Variants in KIF19 observed in about 807,000 individuals in gnomAD.
KIF19 encodes the protein kinesin family member 19.
Under a neutral mutation model 106.6 loss-of-function variants are expected in KIF19, and 98 were observed. The observed-to-expected ratio is 0.92, with a 90% CI of 0.78 to 1.09. The LOEUF (loss-of-function observed/expected upper bound fraction) is 1.09. Among genes scored for constraint, KIF19 ranks in the 50% least tolerant of loss-of-function variants. The pLI, the probability that KIF19 is intolerant of heterozygous loss-of-function variation, is 0.00. For missense variants in KIF19, 1,373 were observed against 1,414.3 expected (o/e 0.97, Z 0.47); for synonymous variants, 516 against 584.2 (o/e 0.88, Z 1.68).
chr17:74,344,354 T>TGGCC lies in KIF19; in HGVS notation c.582+6_582+7insGGCC. 3 of 1,610,816 alleles carry TGGCC rather than the reference T, an allele frequency of 1.9e-6. No homozygotes were observed. The South Asian group carries it at 3.3e-5, about 18-fold the overall frequency. On this transcript the variant is annotated splice_region_variant and intron_variant, in intron 6 of 19. Coordinates refer to ENST00000389916, the MANE Select transcript of KIF19 (RefSeq NM_153209.4). Reference sequence around the variant, plus strand: ...CCACCATCAATGCCAAGGAGGCGAGTTTTGTGTGGCCAGCCTGGAGCCGCT... The same window carrying TGGCC: ...CCACCATCAATGCCAAGGAGGCGAGTGGCCTTTGTGTGGCCAGCCTGGAGCCGCT...
At chr17:74,326,493 A>C in intron 1 of KIF19, 105 bp downstream of exon 1, 2 of 1,107,930 alleles carry the variant, frequency 1.8e-6, no homozygotes, top group Non-Finnish European at 2.7e-6. Flanking sequence ...CTGAGAGGAC[A>C]GGCAACGACC....
chr17:74,349,438 A>AAGAGCCCGAT, intron 10 of KIF19, 89 bp downstream of exon 10: 1 of 1,358,022 alleles, frequency 7.4e-7, no homozygotes, highest in South Asian at 1.5e-5. Context: ...CAAATCCAGA[A>AAGAGCCCGAT]TCGGGCTCTT....
At chr17:74,330,717 G>C (rs1006307175) in intron 2 of KIF19, among the ~76,000 whole-genome samples, 1 of 152,342 alleles carries the variant, frequency 6.6e-6, no homozygotes, top group Non-Finnish European at 1.5e-5. Context: ...TGGAGCAGGA[G>C]GGGCTCCCTC....
chr17:74,353,615 C>A, intron 17 of KIF19, 34 bp downstream of exon 17: 1 of 1,537,070 alleles, frequency 6.5e-7, no homozygotes. Context: ...GCCACCTCAC[C>A]TGGCCTTGTC....
chr17:74,348,312 C>T (rs1008796735), intron 9 of KIF19, among the ~76,000 whole-genome samples: 13 of 152,340 alleles, frequency 8.5e-5, no homozygotes, highest in South Asian at 4.1e-4. Context: ...AGTATTATTG[C>T]GGTTCCCATG....
Position 74,355,466 on chromosome 17 carries a change from T to C in KIF19, c.*154T>C. 2 of 963,982 alleles carry C rather than the reference T, an allele frequency of 2.1e-6. No homozygotes were observed. The highest frequency in any genetic ancestry group is 1.5e-6 in the Non-Finnish European group (1 of 679,078). The allele number at this position is 963,982 out of a possible 1,614,324, so 59.7% of individuals were successfully genotyped here. A position where few individuals can be genotyped will look rare whatever the true frequency, so the allele number is the denominator to read the frequency against. The stretch of plus-strand genomic sequence containing the variant: ...CCTGAGACCCAGGAACTGGGGTCTC[T>C]GCCCAACCCTCCCATGCTTTCAGTG... On this transcript the variant is annotated 3_prime_UTR_variant, in exon 20 of 20. Transcript: ENST00000389916.
rs1443031787 is a variant in KIF19 at position 74,351,849 on chromosome 17, G to T, written c.1588-18G>T. 3.6e-6 allele frequency: 5 copies of T among 1,380,120 alleles called. No homozygotes were observed. The highest frequency in any genetic ancestry group is 4.6e-6 in the Non-Finnish European group (5 of 1,075,318). The allele number at this position is 1,380,120 out of a possible 1,614,324, so 85.5% of individuals were successfully genotyped here. ...ACCCCTCTCCCCGCTGCCAGATGCTGACCTGCGCCTCCTGCAGCTGGCGCT... is the reference window on the plus strand; with the variant it reads ...ACCCCTCTCCCCGCTGCCAGATGCTTACCTGCGCCTCCTGCAGCTGGCGCT... On this transcript the variant is annotated intron_variant, in intron 12 of 19. Transcript: ENST00000389916.
Position 74,349,326 on chromosome 17 carries a change from G to C in KIF19, c.1190G>C (p.Arg397Pro), listed in dbSNP as rs747877782. 7 of 1,605,686 alleles carry C rather than the reference G, an allele frequency of 4.4e-6. No individual in the cohort carries two copies. The highest frequency in any genetic ancestry group is 3.4e-5 in the Admixed American group (2 of 59,188). The change falls in exon 10 of 20, where the codon CGG becomes CCG. Residue 397 changes from arginine to proline, a missense_variant. By Grantham distance (103) the Arg-to-Pro change is moderately radical (BLOSUM62 -2). Around this residue, in one of 3 missense-constraint regions of KIF19, gnomAD observed 1,020 missense variants for 1,008.2 expected, o/e 1.01. Transcript: ENST00000389916. Reference sequence around the variant, plus strand: ...GGCCAGGCCCGGGGCCGGCAGGATCGGGGTGACATCCGCCACATCCAAGGT... The same window carrying C: ...GGCCAGGCCCGGGGCCGGCAGGATCCGGGTGACATCCGCCACATCCAAGGT... ...GRGQARGRQDRGDIRHIQAEV... is the reference protein window; with the variant it reads ...GRGQARGRQDPGDIRHIQAEV...
At position 74,354,940 on chromosome 17, in the gene KIF19, G is replaced by T; in HGVS notation, c.2865G>T (p.Thr955=). Reference sequence around the variant, plus strand: ...TCAAACTCCCTCCAAGCCAGAACACGGGTCAGTATGGGCAAGGAGGGGATG... The same window carrying T: ...TCAAACTCCCTCCAAGCCAGAACACTGGTCAGTATGGGCAAGGAGGGGATG... ...AKVKLPPSQN[T]GPGDSSPLAV... is the part of the protein sequence containing the mutation. Residue 955 remains threonine (T), a splice_region_variant and synonymous_variant, in exon 19 of 20, where the codon ACG becomes ACT. Transcript: ENST00000389916. 1 of 1,581,606 alleles carries T rather than the reference G, an allele frequency of 6.3e-7. No homozygotes were observed. The highest frequency in any genetic ancestry group is 2.3e-5 in the East Asian group (1 of 43,492).
Position 74,344,315 on chromosome 17 carries a change from C to T in KIF19, c.549C>T (p.Gly183=), listed in dbSNP as rs753704292. The part of the protein sequence containing the change: ...EDSKGVIQVA[G]ITEVSTINAK... ...CTAAGGGGGTGATCCAGGTGGCCGG[C>T]ATCACCGAAGTCTCCACCATCAATG... is the stretch of plus-strand genomic sequence containing the variant. Residue 183 remains glycine, a synonymous_variant, in exon 6 of 20, where the codon GGC becomes GGT. Transcript: ENST00000389916. 2 of 1,612,754 alleles carry T rather than the reference C, an allele frequency of 1.2e-6. No homozygotes were observed. Among genetic ancestry groups the T allele is most frequent in the East Asian group, 4.5e-5 (2 of 44,838 alleles).
At position 74,354,569 on chromosome 17, in the gene KIF19, G is replaced by T. The variant is rs1216630707; in HGVS notation, c.2706+10G>T. 6.3e-7 allele frequency: 1 copy of T among 1,584,350 alleles called. No individual in the cohort carries two copies. The highest frequency in any genetic ancestry group is 1.3e-5 in the African/African-American group (1 of 74,566). ...GGTCACCGGGCAAGGGGTGAGGCGAGGCGCAGGGGTGGGTGTCTAGGCACT... is the reference window on the plus strand; with the variant it reads ...GGTCACCGGGCAAGGGGTGAGGCGATGCGCAGGGGTGGGTGTCTAGGCACT... On this transcript the variant is annotated intron_variant, in intron 18 of 19. Transcript: ENST00000389916.
chr17:74,352,184 C>T lies in KIF19; in HGVS notation c.1859-35C>T, dbSNP rs767104866. On this transcript the variant is annotated intron_variant, in intron 13 of 19. Coordinates refer to ENST00000389916, the MANE Select transcript of KIF19 (RefSeq NM_153209.4). ...ATCTGAGCCACCCGCGGGGGGGCCG[C>T]TGGCACTCACTGAGCCCTGCCCCTT... is the stretch of plus-strand genomic sequence containing the variant. 6 of 1,591,848 alleles carry T rather than the reference C, an allele frequency of 3.8e-6. No individual in the cohort carries two copies. In the Admixed American group the frequency reaches 1.0e-4, roughly 28 times the overall value.
rs2054525573 is a variant in KIF19 at position 74,346,202 on chromosome 17, C to T, written c.778-176C>T. ...CAGCCCATCACTCTTGTTCAGAGGC[C>T]TCTGGGTCTCTTAACCTTCTCCAAT... is the stretch of plus-strand genomic sequence containing the variant. On this transcript the variant is annotated intron_variant, in intron 7 of 19. Transcript: ENST00000389916. The surrounding 1 kb of genome is among the most constrained non-coding windows in gnomAD (Gnocchi z 4.6). 6.6e-6 allele frequency among the ~76,000 whole-genome samples: 1 copy of T among 152,252 alleles called. No individual in the cohort carries two copies. Among genetic ancestry groups the T allele is most frequent in the South Asian group, 2.1e-4 (1 of 4,836 alleles).
intron 5 of KIF19, 99 bp downstream of exon 5, chr17:74,343,259 A>G: frequency 1.6e-6 from 2 of 1,228,640 alleles, no homozygotes; most frequent in Non-Finnish European, 2.3e-6. Flanking sequence ...GCCCTCCTGC[A>G]TGCCTACTGT....
chr17:74,336,930 A>T (rs1484260440), intron 2 of KIF19, among the ~76,000 whole-genome samples: 1 of 152,054 alleles, frequency 6.6e-6, no homozygotes, highest in Admixed American at 6.6e-5. Context: ...GGTTTAAGTG[A>T]TTCTCCTGCC....
chr17:74,326,815 T>A (rs145165681), intron 1 of KIF19, among the ~76,000 whole-genome samples: 1 of 151,792 alleles, frequency 6.6e-6, no homozygotes. Context: ...GATGTGGGGG[T>A]CACCAGTAGG....
chr17:74,355,215 C>G lies in KIF19; in HGVS notation c.2900C>G (p.Pro967Arg), dbSNP rs893637303. ...PGDSSPLAVP[P>R]NPGGGSRRAT... is the part of the protein sequence containing the mutation. ...GACTCCTCACCCCTGGCTGTTCCCC[C>G]CAACCCAGGTGGTGGTTCTCGACGG... Residue 967 changes from proline (P) to arginine (R), a missense_variant, in exon 20 of 20, where the codon CCC becomes CGC. Physicochemically the swap from Pro to Arg is moderately radical, Grantham distance 103 (BLOSUM62 -2). This residue lies in a region of KIF19 where 1,020 missense variants were observed against 1,008.2 expected (regional missense o/e 1.01). Coordinates refer to ENST00000389916, the MANE Select transcript of KIF19 (RefSeq NM_153209.4). The G allele has an allele frequency of 7.4e-6, 12 of 1,611,988 alleles. No homozygotes were observed. The African/African-American group carries it at 1.1e-4, about 14-fold the overall frequency.
At chr17:74,340,008 CAA>C (rs889722655) in intron 2 of KIF19, among the ~76,000 whole-genome samples, 8 of 152,174 alleles carry the variant, frequency 5.3e-5, no homozygotes, top group African/African-American at 1.7e-4. Context: ...GCCCGTTGAA[CAA>C]AGACTGTTGA....
At position 74,342,645 on chromosome 17, in the gene KIF19, G is replaced by C. The variant is rs764633982; in HGVS notation, c.247G>C (p.Ala83Pro). The C allele has an allele frequency of 1.7e-5, 27 of 1,613,198 alleles. No homozygotes were observed. The highest frequency in any genetic ancestry group is 2.3e-5 in the Non-Finnish European group (27 of 1,179,662). The change falls in exon 4 of 20, where the codon GCC becomes CCC. Residue 83 changes from alanine (A) to proline (P), a missense_variant. Physicochemically the swap from Ala to Pro is conservative, Grantham distance 27. Transcript: ENST00000389916. ...TTCCTCGCAGGAGATGGTGTATCAG[G>C]CCACCACCAAGAGCCTCATCGAGGG... ...FTATQEMVYQ[A>P]TTKSLIEGVI...
Sources: allele counts gnomAD v4.1 joint callset (sites outside exome capture counted in the v4.1 genomes callset), GRCh38; gene constraint gnomAD v4.1.1; regional missense constraint gnomAD v4.1.1; non-coding constraint Gnocchi (gnomAD v3.1); transcripts MANE v1.5; gene names NCBI Gene and HGNC (gene_info 2026-07-23, HGNC 2026-07-21).